The following EIF2AK1 variants were observed in gnomAD, a reference collection of about 807,000 sequenced individuals.
EIF2AK1 encodes eukaryotic translation initiation factor 2-alpha kinase 1.
A neutral mutation model predicts 77.9 loss-of-function variants in EIF2AK1; 54 were observed. The observed-to-expected ratio is 0.69, with a 90% confidence interval of 0.56 to 0.87. The LOEUF (loss-of-function observed/expected upper bound fraction) is 0.87, where lower values mean the gene tolerates loss of function less well. EIF2AK1 is among the 40% of genes least tolerant of loss of function. EIF2AK1 has a pLI of 0.00. For synonymous variants in EIF2AK1, 314 were observed against 290.5 expected, an observed-to-expected ratio of 1.08 and a Z score of -0.82; for missense variants, 810 against 768.6, an observed-to-expected ratio of 1.05 and a Z score of -0.64.
chr7:6,055,768 G>T (rs1186711694), intron 1 of EIF2AK1, among the ~76,000 whole-genome samples: 1 of 151,272 alleles, frequency 6.6e-6, no homozygotes, highest in Non-Finnish European at 1.5e-5. Context: ...ATCACCTAAG[G>T]TCAGGAGTTC....
Position 6,028,685 on chromosome 7 carries a change from T to C in EIF2AK1, c.1460A>G (p.His487Arg), listed in dbSNP as rs138441452. The C allele has an allele frequency of 9.3e-6, 15 of 1,614,248 alleles. No individual in the cohort carries two copies. The African/African-American group carries it at 1.6e-4, about 17-fold the overall frequency. The change falls in exon 13 of 15, where the codon CAT becomes CGT. Residue 487 changes from histidine (H) to arginine (R), a missense_variant. This residue lies in a region of EIF2AK1 where 549 missense variants were observed against 533.7 expected (regional missense o/e 1.03). Coordinates refer to ENST00000199389, the MANE Select transcript of EIF2AK1 (RefSeq NM_014413.4). ...TNRNGKRTPTHTSRVGTCLYA... is the reference protein window; with the variant it reads ...TNRNGKRTPTRTSRVGTCLYA... ...CAGACAAGTACCCACTCTGGACGTA[T>C]GTGTTGGTGTTCCTATCATTTCAAA...
chr7:6,053,658 C>G (rs1788670706), intron 2 of EIF2AK1, among the ~76,000 whole-genome samples: 1 of 134,238 alleles, frequency 7.4e-6, no homozygotes, highest in Admixed American at 8.2e-5. Context: ...CCACCGCGCC[C>G]AGCCCATTCT....
Position 6,027,005 on chromosome 7 carries a change from T to G in EIF2AK1, c.1531-44A>C. The G allele has an allele frequency of 1.3e-6, 2 of 1,510,408 alleles. No individual in the cohort carries two copies. The highest frequency in any genetic ancestry group is 1.8e-6 in the Non-Finnish European group (2 of 1,091,632). The allele number at this position is 1,510,408 out of a possible 1,614,324, so 93.6% of individuals were successfully genotyped here. ...GGGAACTCAGTAGTGAAATACAAAG[T>G]TAGAAGAACGTTTCCATTTCCGTGT... On this transcript the variant is annotated intron_variant, in intron 13 of 14. Transcript: ENST00000199389. The surrounding 1 kb of genome is among the most constrained non-coding windows in gnomAD (Gnocchi z 4.5).
intron 1 of EIF2AK1, among the ~76,000 whole-genome samples, chr7:6,055,403 G>C (rs887324391): frequency 6.7e-6 from 1 of 149,070 alleles, no homozygotes; most frequent in African/African-American, 2.5e-5. Context: ...AGGAAAAATG[G>C]AAACTTTTCT....
Position 6,035,347 on chromosome 7 carries a change from T to TA in EIF2AK1, c.1332+2076dup. 3 of 1,176,476 alleles carry TA rather than the reference T, an allele frequency of 2.5e-6. No homozygotes were observed. The highest frequency in any genetic ancestry group is 3.6e-6 in the Non-Finnish European group (3 of 840,950). 72.9% of individuals were successfully genotyped at this position (1,176,476 alleles called of 1,614,324 possible). A position where few individuals can be genotyped will look rare whatever the true frequency, so the allele number is the denominator to read the frequency against. On this transcript the variant is annotated intron_variant, in intron 11 of 14. Transcript: ENST00000199389. The surrounding 1 kb of genome is among the most constrained non-coding windows in gnomAD (Gnocchi z 5.5). Reference sequence around the variant, plus strand: ...CGTCCTTAAGGTAATTGAAGGGTCTTACTTTAAATAAATACTGGCTTCTTA... The same window carrying TA: ...CGTCCTTAAGGTAATTGAAGGGTCTTAACTTTAAATAAATACTGGCTTCTTA...
intron 1 of EIF2AK1, among the ~76,000 whole-genome samples, chr7:6,055,982 CAAAAAAAAAAA>C (rs755531680): frequency 4.2e-5 from 1 of 23,984 alleles, no homozygotes; most frequent in Non-Finnish European, 6.8e-5. Context: ...AACTCTGTCT[CAAAAAAAAAAA>C]AAAAAAAAAA....
At chr7:6,052,637 C>G (rs1035115927) in intron 2 of EIF2AK1, among the ~76,000 whole-genome samples, 1 of 113,258 alleles carries the variant, frequency 8.8e-6, no homozygotes, top group Non-Finnish European at 1.8e-5. Context: ...TGGAACTATT[C>G]TTTTTTTTTT....
intron 14 of EIF2AK1, 40 bp from the exon 15 acceptor site, chr7:6,024,841 T>A (rs1787692965): frequency 4.5e-6 from 4 of 888,608 alleles, no homozygotes; most frequent in Middle Eastern, 2.8e-4. Flanking sequence ...TAAAATAACT[T>A]TTTTTTTTTT....
intron 1 of EIF2AK1, among the ~76,000 whole-genome samples, chr7:6,056,001 A>AC (rs1788746984): frequency 6.8e-6 from 1 of 146,606 alleles, no homozygotes; most frequent in Non-Finnish European, 1.5e-5. Flanking sequence ...AAAAAAAAAA[A>AC]AAAAAAACTA....
chr7:6,025,694 G>C (rs1787725752), intron 14 of EIF2AK1, among the ~76,000 whole-genome samples: 1 of 152,134 alleles, frequency 6.6e-6, no homozygotes, highest in Non-Finnish European at 1.5e-5. Flanking sequence ...GGAGTACAGT[G>C]GTGTGATCTC....
At chr7:6,047,145 C>CTA in intron 4 of EIF2AK1, 54 bp from the exon 5 acceptor site, 1 of 1,501,812 alleles carries the variant, frequency 6.7e-7, no homozygotes, top group Non-Finnish European at 9.3e-7. Flanking sequence ...TCAAAATGTT[C>CTA]TAGGATACCT....
At chr7:6,053,667 C>CTTTT (rs34358095) in intron 2 of EIF2AK1, among the ~76,000 whole-genome samples, 2 of 117,492 alleles carry the variant, frequency 1.7e-5, no homozygotes, top group South Asian at 2.8e-4. Flanking sequence ...CCAGCCCATT[C>CTTTT]TTTTTTTTTT....
rs996242801 is a variant in EIF2AK1 at position 6,024,590 on chromosome 7, C to A, written c.*83G>T. On this transcript the variant is annotated 3_prime_UTR_variant, in exon 15 of 15. Transcript: ENST00000199389. ...AAGTCTTGTAAAGGCTTACTAAATA[C>A]AACGAAGCATTGTACCAACTATACC... 3.3e-5 allele frequency: 52 copies of A among 1,591,916 alleles called. No individual in the cohort carries two copies. The highest frequency in any genetic ancestry group is 1.9e-4 in the South Asian group (17 of 87,240).
rs565813658 is a variant in EIF2AK1 at position 6,023,173 on chromosome 7, GTTC to G, written c.*1497_*1499del. ...CTTAGAGACAGACTGAAAATGTGAT[GTTC>G]TTCTTGAAAACACCCTTTCCCATGT... On this transcript the variant is annotated 3_prime_UTR_variant, in exon 15 of 15. Coordinates refer to ENST00000199389, the MANE Select transcript of EIF2AK1 (RefSeq NM_014413.4). The G allele has an allele frequency of 9.2e-4, 1,008 of 1,101,338 alleles. 5 individuals are homozygous for G. Among genetic ancestry groups the G allele is most frequent in the Middle Eastern group, 4.0e-3 (13 of 3,272 alleles). 68.2% of individuals were successfully genotyped at this position (1,101,338 alleles called of 1,614,324 possible).
In EIF2AK1 at chr7:6,023,267, T is replaced by C. The variant is rs376630532; in HGVS notation, c.*1406A>G. The C allele has an allele frequency of 1.9e-5, 30 of 1,553,016 alleles. No individual in the cohort carries two copies. The highest frequency in any genetic ancestry group is 1.3e-4 in the Admixed American group (7 of 53,480). On this transcript the variant is annotated 3_prime_UTR_variant, in exon 15 of 15. Coordinates refer to ENST00000199389, the MANE Select transcript of EIF2AK1 (RefSeq NM_014413.4). ...GTGCGAGTACTTCCCTCAGGGCTGCTCTGGTGATGCTACCTGGCGTGTTTT... is the reference window on the plus strand; with the variant it reads ...GTGCGAGTACTTCCCTCAGGGCTGCCCTGGTGATGCTACCTGGCGTGTTTT...
At chr7:6,052,460 T>G (rs1023551298) in intron 2 of EIF2AK1, among the ~76,000 whole-genome samples, 6 of 151,686 alleles carry the variant, frequency 4.0e-5, no homozygotes, top group Admixed American at 3.3e-4. Flanking sequence ...GTGTACAATG[T>G]ACAGATATTT....
At chr7:6,031,619 T>C in intron 11 of EIF2AK1, 1 of 1,547,600 alleles carries the variant, frequency 6.5e-7, no homozygotes, top group Non-Finnish European at 8.7e-7. Context: ...CAGTCACTTC[T>C]GGAAAAAAGT....
At chr7:6,049,307 G>T (rs1788536860) in intron 3 of EIF2AK1, among the ~76,000 whole-genome samples, 1 of 152,208 alleles carries the variant, frequency 6.6e-6, no homozygotes, top group Non-Finnish European at 1.5e-5. Flanking sequence ...CACTTGGGAG[G>T]CCAAGGCAGG....
In EIF2AK1 at chr7:6,023,970, C is replaced by G; in HGVS notation, c.*703G>C. Reference sequence around the variant, plus strand: ...TGCCTCTGAGGGATGTACAGATTGGCTGGGGAGCTGAGTGCTACAATAAAG... The same window carrying G: ...TGCCTCTGAGGGATGTACAGATTGGGTGGGGAGCTGAGTGCTACAATAAAG... On this transcript the variant is annotated 3_prime_UTR_variant, in exon 15 of 15. Coordinates refer to ENST00000199389, the MANE Select transcript of EIF2AK1 (RefSeq NM_014413.4). 7.2e-7 allele frequency: 1 copy of G among 1,384,692 alleles called. No homozygotes were observed. Among genetic ancestry groups the G allele is most frequent in the South Asian group, 1.2e-5 (1 of 81,854 alleles). 85.8% of individuals were successfully genotyped at this position (1,384,692 alleles called of 1,614,324 possible).
Sources: allele counts gnomAD v4.1 joint callset (sites outside exome capture counted in the v4.1 genomes callset), GRCh38; gene constraint gnomAD v4.1.1; regional missense constraint gnomAD v4.1.1; non-coding constraint Gnocchi (gnomAD v3.1); transcripts MANE v1.5; gene names NCBI Gene and HGNC (gene_info 2026-07-23, HGNC 2026-07-21).